Variants in PCDH9 observed in about 807,000 individuals in gnomAD.
PCDH9 encodes the protein protocadherin-9.
A neutral mutation model predicts 70.6 loss-of-function variants in PCDH9; 24 were observed. The ratio of observed to expected loss-of-function variants is 0.34; its 90% CI spans 0.25 to 0.48. The LOEUF (loss-of-function observed/expected upper bound fraction) is 0.48, where lower values mean the gene tolerates loss of function less well. Among genes scored for constraint, PCDH9 ranks in the 20% least tolerant of loss-of-function variants. The pLI is 0.99. For missense variants in PCDH9, 1,281 were observed against 1,503.6 expected, an observed-to-expected ratio of 0.85 and a Z score of 2.45; for synonymous variants, 562 against 558.5, an observed-to-expected ratio of 1.01 and a Z score of -0.09.
At chr13:66,384,764 C>T (rs112601854) in intron 4 of PCDH9, among the ~76,000 whole-genome samples, 4 of 152,132 alleles carry the variant, frequency 2.6e-5, no homozygotes, top group African/African-American at 7.2e-5. Flanking sequence ...TCTCGGGCAC[C>T]GGTGATCTTC....
Position 67,227,503 on chromosome 13 carries a change from G to A in PCDH9, c.938C>T (p.Thr313Ile), listed in dbSNP as rs769888767. The part of the protein sequence containing the change: ...FALNNTTGLI[T>I]VQRSLDREET... ...CTCTCTATCTAAGGACCTCTGAACT[G>A]TAATCAGCCCAGTAGTATTATTTAA... Residue 313 changes from threonine to isoleucine, a missense_variant, in exon 2 of 5, where the codon ACA becomes ATA. Transcript: ENST00000377865. The surrounding 1 kb of genome is among the most constrained non-coding windows in gnomAD (Gnocchi z 4.6). 1 of 1,613,774 alleles carries A rather than the reference G, an allele frequency of 6.2e-7. No homozygotes were observed. Among genetic ancestry groups the A allele is most frequent in the Non-Finnish European group, 8.5e-7 (1 of 1,179,728 alleles).
chr13:67,192,357 T>C (rs2088940198), intron 2 of PCDH9, among the ~76,000 whole-genome samples: 1 of 152,156 alleles, frequency 6.6e-6, no homozygotes, highest in Non-Finnish European at 1.5e-5. Flanking sequence ...TTAAACTTAT[T>C]TGAGACACTT....
At chr13:66,709,801 G>C (rs1011959136) in intron 3 of PCDH9, among the ~76,000 whole-genome samples, 1 of 152,066 alleles carries the variant, frequency 6.6e-6, no homozygotes, top group Non-Finnish European at 1.5e-5. Flanking sequence ...AGGTTTAATG[G>C]AATAGTAGAA....
At chr13:66,845,842 T>A (rs114596697) in intron 3 of PCDH9, among the ~76,000 whole-genome samples, 1 of 152,200 alleles carries the variant, frequency 6.6e-6, no homozygotes, top group African/African-American at 2.4e-5. Context: ...ATGTAACTTA[T>A]AGCTTTGTGT....
intron 2 of PCDH9, chr13:67,207,130 G>T (rs2089368738): frequency 1.5e-5 from 2 of 137,144 alleles, no homozygotes; most frequent in South Asian, 4.7e-4. Flanking sequence ...GGCAAAATTT[G>T]TATAATAATG....
At chr13:66,602,707 C>T (rs78585422) in intron 4 of PCDH9, among the ~76,000 whole-genome samples, 1 of 145,402 alleles carries the variant, frequency 6.9e-6, no homozygotes, top group East Asian at 1.9e-4. Flanking sequence ...ATATTCTTTA[C>T]ATAGTCTACC....
intron 3 of PCDH9, among the ~76,000 whole-genome samples, chr13:66,681,445 A>T (rs1055040475): frequency 3.3e-5 from 5 of 152,088 alleles, no homozygotes; most frequent in Non-Finnish European, 7.4e-5. Flanking sequence ...AAAATTACAG[A>T]ATGATTTCTC....
At chr13:66,584,746 T>C (rs2076940237) in intron 4 of PCDH9, among the ~76,000 whole-genome samples, 2 of 152,014 alleles carry the variant, frequency 1.3e-5, no homozygotes, top group South Asian at 4.2e-4. Context: ...CAAGGAATGG[T>C]AGTTGATAGA....
At chr13:66,829,717 CAA>C (rs562176354) in intron 3 of PCDH9, among the ~76,000 whole-genome samples, 699 of 52,972 alleles carry the variant, frequency 0.013, 4 homozygotes, top group African/African-American at 0.046. Flanking sequence ...GACTCCGTCT[CAA>C]AAAAAAAAAA....
intron 2 of PCDH9, among the ~76,000 whole-genome samples, chr13:67,003,937 C>T (rs1383122320): frequency 1.3e-5 from 2 of 152,104 alleles, no homozygotes; most frequent in Admixed American, 6.5e-5. Context: ...TGGATGTGCC[C>T]GTTCCCATGT....
At chr13:66,323,875 G>A (rs901225691) in intron 4 of PCDH9, among the ~76,000 whole-genome samples, 1 of 151,886 alleles carries the variant, frequency 6.6e-6, no homozygotes, top group African/African-American at 2.4e-5. Flanking sequence ...TTACTCCGGG[G>A]CATCTGCTTA....
chr13:66,626,458 G>A (rs2077500120), intron 4 of PCDH9, among the ~76,000 whole-genome samples: 2 of 152,148 alleles, frequency 1.3e-5, no homozygotes, highest in Non-Finnish European at 2.9e-5. Flanking sequence ...GAGTCCAGGA[G>A]GACTGGAATG....
intron 2 of PCDH9, among the ~76,000 whole-genome samples, chr13:67,197,684 A>G (rs1441773506): frequency 6.6e-6 from 1 of 151,952 alleles, no homozygotes; most frequent in African/African-American, 2.4e-5. Flanking sequence ...TTTAGAAATG[A>G]CAATTTTTAA....
intron 2 of PCDH9, among the ~76,000 whole-genome samples, chr13:66,918,656 T>G (rs2082593708): frequency 6.6e-6 from 1 of 151,196 alleles, no homozygotes; most frequent in Non-Finnish European, 1.5e-5. Context: ...GAGTATGTAC[T>G]CATAAATAAA....
At chr13:66,806,952 C>T (rs924126490) in intron 3 of PCDH9, among the ~76,000 whole-genome samples, 1 of 152,158 alleles carries the variant, frequency 6.6e-6, no homozygotes, top group African/African-American at 2.4e-5. Context: ...CACACTTCCC[C>T]TTCTACCCCT....
chr13:66,793,306 C>A (rs1216669560), intron 3 of PCDH9, among the ~76,000 whole-genome samples: 1 of 151,986 alleles, frequency 6.6e-6, no homozygotes, highest in Non-Finnish European at 1.5e-5. Context: ...CTTTATTCAA[C>A]GAATACCTTT....
intron 3 of PCDH9, among the ~76,000 whole-genome samples, chr13:66,733,184 A>C (rs2079099966): frequency 6.6e-6 from 1 of 152,064 alleles, no homozygotes; most frequent in Non-Finnish European, 1.5e-5. Context: ...TAATTTTATA[A>C]ACTTAGTCAT....
intron 3 of PCDH9, among the ~76,000 whole-genome samples, chr13:66,637,982 T>G (rs2077661392): frequency 6.6e-6 from 1 of 151,986 alleles, no homozygotes; most frequent in Admixed American, 6.6e-5. Context: ...GGAAGTAAGG[T>G]AAAGTGACTT....
At position 66,794,059 on chromosome 13, in the gene PCDH9, A is replaced by G. The variant is rs376248883; in HGVS notation, c.3138+109445T>C. On this transcript the variant is annotated intron_variant, in intron 3 of 4. Coordinates refer to ENST00000377865, the MANE Select transcript of PCDH9 (RefSeq NM_203487.3). ...TTAAGGCAGACATAAAGGTAACTGA[A>G]GAACTCCACTGTCATGTATAATTCT... Among the ~76,000 whole-genome samples, 9 of 152,322 alleles carry G rather than the reference A, an allele frequency of 5.9e-5. No individual in the cohort carries two copies. In the East Asian group the frequency reaches 1.2e-3, roughly 20 times the overall value.
Sources: allele counts gnomAD v4.1 joint callset (sites outside exome capture counted in the v4.1 genomes callset), GRCh38; gene constraint gnomAD v4.1.1; non-coding constraint Gnocchi (gnomAD v3.1); transcripts MANE v1.5; gene names NCBI Gene and HGNC (gene_info 2026-07-23, HGNC 2026-07-21).